TONSL: variants seen among roughly 807,000 people sequenced by gnomAD.
The protein encoded by TONSL is tonsoku like, DNA repair protein, also known as tonsoku-like protein.
Under a neutral mutation model 147.1 loss-of-function variants are expected in TONSL, and 112 were observed. The ratio of observed to expected loss-of-function variants is 0.76; its 90% CI spans 0.65 to 0.89. The LOEUF is 0.89. Ranked by LOEUF, TONSL falls within the 40% of genes least tolerant of loss-of-function variation. The pLI is 0.00. For synonymous variants in TONSL, 868 were observed against 801.5 expected (o/e 1.08, Z -1.40); for missense variants, 1,883 against 1,864.6 (o/e 1.01, Z -0.18).
chr8:144,437,382 C>A (rs998775001), intron 13 of TONSL, among the ~76,000 whole-genome samples: 2 of 152,196 alleles, frequency 1.3e-5, no homozygotes, highest in African/African-American at 4.8e-5. Flanking sequence ...GCAGGCGGGG[C>A]GGGAAGGTGC....
In TONSL at chr8:144,437,382, C is replaced by T. The variant is rs998775001; in HGVS notation, c.1654-283G>A. Among the ~76,000 whole-genome samples, 4 of 152,196 alleles carry T rather than the reference C, an allele frequency of 2.6e-5. No individual in the cohort carries two copies. The East Asian group carries it at 5.8e-4, about 22-fold the overall frequency. ...TCGCAGGGGCATGAGGCAGGCGGGG[C>T]GGGAAGGTGCCCAGATCTCAGCCCA... On this transcript the variant is annotated intron_variant, in intron 13 of 25. Coordinates refer to ENST00000409379, the MANE Select transcript of TONSL (RefSeq NM_013432.5).
rs554358516 is a variant in TONSL at position 144,429,636 on chromosome 8, T to C, written c.3944-300A>G. Among the ~76,000 whole-genome samples the C allele has an allele frequency of 1.6e-4, 24 of 152,288 alleles. No individual in the cohort carries two copies. The East Asian group carries it at 4.6e-3, about 29-fold the overall frequency. On this transcript the variant is annotated intron_variant, in intron 25 of 25. Transcript: ENST00000409379. ...CATAAGAAGGACATAATGGATCTGC[T>C]TGCAAATCTGTACATCGTGGGCCTG...
intron 22 of TONSL, chr8:144,432,672 T>A: frequency 2.1e-6 from 1 of 481,998 alleles, no homozygotes; most frequent in Non-Finnish European, 3.6e-6. Flanking sequence ...CCCCCAGTTC[T>A]GGACAACTTG....
intron 8 of TONSL, 25 bp from the exon 9 acceptor site, chr8:144,440,895 G>A: frequency 6.2e-7 from 1 of 1,612,538 alleles, no homozygotes. Flanking sequence ...AGTGAGGCCA[G>A]GGGCTGCCAC....
chr8:144,439,573 G>C (rs1315635473), intron 11 of TONSL, among the ~76,000 whole-genome samples: 2 of 152,124 alleles, frequency 1.3e-5, no homozygotes, highest in Non-Finnish European at 1.5e-5. Context: ...CTGCACCACG[G>C]CCAAGATGGC....
Position 144,444,268 on chromosome 8 carries a change from G to A in TONSL, c.33C>T (p.Ser11=). 6.9e-7 allele frequency: 1 copy of A among 1,447,336 alleles called. No homozygotes were observed. The highest frequency in any genetic ancestry group is 1.3e-5 in the South Asian group (1 of 74,452). The allele number at this position is 1,447,336 out of a possible 1,614,324, so 89.7% of individuals were successfully genotyped here. The change falls in exon 2 of 26, where the codon AGC becomes AGT. Residue 11 remains serine (S), a synonymous_variant. Transcript: ENST00000409379. ...CCCTCTGCGCCTTGGCTTTCGCCTT[G>A]CTCAGCTCTGTGGGAGGAAGAGGAG... MSLERELRQL[S]KAKAKAQRAG...
Position 144,443,224 on chromosome 8 carries a change from T to C in TONSL, c.362A>G (p.Tyr121Cys), listed in dbSNP as rs941958739. 3.4e-5 allele frequency: 53 copies of C among 1,550,714 alleles called. No homozygotes were observed. Among genetic ancestry groups the C allele is most frequent in the Non-Finnish European group, 3.9e-5 (45 of 1,146,978 alleles). ...AGCATCCCTCGACTGGCAGTGGTCA[T>C]AGATGTCCAGGTGGGTGCGGCCGAT... is the stretch of plus-strand genomic sequence containing the variant. ...ATIGRTHLDI[Y>C]DHCQSRDALL... is the part of the protein sequence containing the mutation. The change falls in exon 4 of 26, where the codon TAT becomes TGT. Residue 121 changes from tyrosine (Y) to cysteine (C), a missense_variant. By Grantham distance (194) the Tyr-to-Cys change is radical. Transcript: ENST00000409379.
intron 23 of TONSL, among the ~76,000 whole-genome samples, chr8:144,431,651 T>A (rs1823198491): frequency 6.6e-6 from 1 of 151,820 alleles, no homozygotes; most frequent in Non-Finnish European, 1.5e-5. Context: ...TAGCTGGGAC[T>A]CCAGGAGCCC....
chr8:144,431,220 G>A, intron 23 of TONSL, 69 bp from the exon 24 acceptor site: 2 of 1,507,422 alleles, frequency 1.3e-6, no homozygotes, highest in Non-Finnish European at 9.2e-7. Flanking sequence ...TTCCCAGCAG[G>A]TGCACCACAC....
At position 144,429,057 on chromosome 8, in the gene TONSL, G is replaced by T; in HGVS notation, c.*86C>A. On this transcript the variant is annotated 3_prime_UTR_variant, in exon 26 of 26. Transcript: ENST00000409379. ...GCCCGCCTGGGCCTCCCAAAGTGTT[G>T]GGATTACAGGCGTGAGCCACCGCGC... is the stretch of plus-strand genomic sequence containing the variant. The T allele has an allele frequency of 7.2e-7, 1 of 1,391,406 alleles. No individual in the cohort carries two copies. The highest frequency in any genetic ancestry group is 1.5e-5 in the African/African-American group (1 of 66,758). 86.2% of individuals were successfully genotyped at this position (1,391,406 alleles called of 1,614,324 possible). A position where few individuals can be genotyped will look rare whatever the true frequency, so the allele number is the denominator to read the frequency against.
intron 22 of TONSL, chr8:144,433,247 A>C (rs1345676760): frequency 5.0e-6 from 1 of 198,102 alleles, no homozygotes; most frequent in Non-Finnish European, 1.1e-5. Context: ...CGCCCAGCTA[A>C]TTGTATTTTT....
At chr8:144,435,389 C>T (rs1234877696) in intron 18 of TONSL, 85 bp downstream of exon 18, 1 of 1,329,984 alleles carries the variant, frequency 7.5e-7, no homozygotes. Flanking sequence ...GCCCTCGTCA[C>T]ACGCCCCACC....
intron 20 of TONSL, 89 bp downstream of exon 20, chr8:144,434,722 G>C: frequency 6.9e-7 from 1 of 1,449,888 alleles, no homozygotes; most frequent in Non-Finnish European, 9.4e-7. Context: ...AAACACCCGA[G>C]GCCCAGGAAT....
intron 20 of TONSL, 41 bp downstream of exon 20, chr8:144,434,770 G>A (rs1168658025): frequency 5.6e-6 from 9 of 1,600,908 alleles, no homozygotes; most frequent in South Asian, 1.1e-5. Context: ...CAACCCCCTT[G>A]TACGACCTCA....
chr8:144,443,820 C>T, intron 3 of TONSL, 62 bp downstream of exon 3: 3 of 1,531,998 alleles, frequency 2.0e-6, no homozygotes, highest in South Asian at 2.4e-5. Context: ...CCAGGCCTCC[C>T]TCCTCAGAAA....
At chr8:144,431,855 A>C (rs1586681097) in intron 23 of TONSL, among the ~76,000 whole-genome samples, 2 of 132,878 alleles carry the variant, frequency 1.5e-5, no homozygotes, top group Admixed American at 8.2e-5. Flanking sequence ...TTTGAGACGG[A>C]ATCTCGCTCT....
chr8:144,430,566 G>A (rs782669033), intron 24 of TONSL, 29 bp from the exon 25 acceptor site: 14 of 1,588,628 alleles, frequency 8.8e-6, no homozygotes, highest in Non-Finnish European at 3.4e-6. Context: ...AAGTGCAAAG[G>A]TTGGCTTCCA....
rs1389616158 is a variant in TONSL, at chr8:144,444,419, G to T, written c.-5C>A. Reference sequence around the variant, plus strand: ...AAGCTCGCGCTCCAGGCTCATGCTCGGATCGCCGCGGGATCCGGACTTCCC... The same window carrying T: ...AAGCTCGCGCTCCAGGCTCATGCTCTGATCGCCGCGGGATCCGGACTTCCC... On this transcript the variant is annotated 5_prime_UTR_variant, in exon 1 of 26. Coordinates refer to ENST00000409379, the MANE Select transcript of TONSL (RefSeq NM_013432.5). The T allele has an allele frequency of 8.1e-7, 1 of 1,235,418 alleles. No individual in the cohort carries two copies. The highest frequency in any genetic ancestry group is 1.6e-5 in the African/African-American group (1 of 64,152). The allele number at this position is 1,235,418 out of a possible 1,614,324, so 76.5% of individuals were successfully genotyped here. A position where few individuals can be genotyped will look rare whatever the true frequency, so the allele number is the denominator to read the frequency against.
At chr8:144,430,982 G>A (rs894093073) in intron 24 of TONSL, 96 bp downstream of exon 24, 49 of 1,392,836 alleles carry the variant, frequency 3.5e-5, no homozygotes, top group Admixed American at 5.3e-5. Flanking sequence ...TGCTGGGGAG[G>A]AGGAGCTGGT....
Sources: gnomAD v4.1 joint callset for allele counts (sites outside exome capture counted in the v4.1 genomes callset) on GRCh38, gnomAD v4.1.1 for gene constraint, MANE v1.5 for transcripts, NCBI Gene and HGNC (gene_info 2026-07-23, HGNC 2026-07-21) for gene names.